CDC42SE2: variants seen among roughly 807,000 people sequenced by gnomAD.
The protein encoded by CDC42SE2 is CDC42 small effector 2.
A neutral mutation model predicts 11.5 loss-of-function variants in CDC42SE2; 3 were observed. The observed-to-expected ratio is 0.26, with a 90% CI of 0.12 to 0.67. The LOEUF is 0.67. Ranked by LOEUF, CDC42SE2 falls within the 30% of genes least tolerant of loss-of-function variation. CDC42SE2 has a pLI of 0.80. For missense variants in CDC42SE2, 82 were observed against 106.8 expected (o/e 0.77, Z 1.02); for synonymous variants, 33 against 34.8 (o/e 0.95, Z 0.18).
chr5:131,305,103 G>A (rs1757754421), intron 1 of CDC42SE2, among the ~76,000 whole-genome samples: 1 of 116,564 alleles, frequency 8.6e-6, no homozygotes, highest in African/African-American at 2.5e-5. Flanking sequence ...CTAGAATTTT[G>A]TATAAATTAT....
chr5:131,244,267 T>C (rs2149681402), upstream of CDC42SE2, among the ~76,000 whole-genome samples: 1 of 152,214 alleles, frequency 6.6e-6, no homozygotes, highest in East Asian at 1.9e-4. Context: ...ATGAATCTAC[T>C]TTTTTCAATA....
At chr5:131,281,886 T>G (rs1302554631) in intron 1 of CDC42SE2, among the ~76,000 whole-genome samples, 1 of 152,198 alleles carries the variant, frequency 6.6e-6, no homozygotes, top group Non-Finnish European at 1.5e-5. Flanking sequence ...TTTGTTAGGA[T>G]TAAATGAAGT....
intron 1 of CDC42SE2, among the ~76,000 whole-genome samples, chr5:131,304,709 A>G (rs568716890): frequency 3.9e-5 from 6 of 152,168 alleles, no homozygotes; most frequent in Non-Finnish European, 8.8e-5. Flanking sequence ...TTTTTGGCAT[A>G]TGCTTTCTTT....
In CDC42SE2 at chr5:131,343,227, G is replaced by A. The variant is rs528690914; in HGVS notation, c.-285-15982G>A. Among the ~76,000 whole-genome samples, 6 of 152,004 alleles carry A rather than the reference G, an allele frequency of 3.9e-5. No individual in the cohort carries two copies. In the South Asian group the frequency reaches 1.2e-3, roughly 32 times the overall value. On this transcript the variant is annotated intron_variant, in intron 2 of 4. Coordinates refer to ENST00000505065, the MANE Select transcript of CDC42SE2 (RefSeq NM_001375635.1). Reference sequence around the variant, plus strand: ...AAGTTTGCCTATATTGGTTTGAGGTGCCAGGAGACTGCAAGAGATGCTTAT... The same window carrying A: ...AAGTTTGCCTATATTGGTTTGAGGTACCAGGAGACTGCAAGAGATGCTTAT...
intron 2 of CDC42SE2, among the ~76,000 whole-genome samples, chr5:131,347,326 C>G (rs149360524): frequency 0.039 from 5,960 of 152,142 alleles, 369 homozygotes; most frequent in African/African-American, 0.13. Flanking sequence ...TCTCACCACC[C>G]ATCCCACAGA....
chr5:131,346,455 G>C (rs916796254), intron 2 of CDC42SE2, among the ~76,000 whole-genome samples: 1 of 152,140 alleles, frequency 6.6e-6, no homozygotes, highest in East Asian at 1.9e-4. Flanking sequence ...AGAGCTAACT[G>C]TCCTAAATAT....
intron 3 of CDC42SE2, 87 bp downstream of exon 3, chr5:131,359,634 T>A: frequency 1.1e-6 from 1 of 937,756 alleles, no homozygotes; most frequent in Non-Finnish European, 1.8e-6. Flanking sequence ...ATCCTAGCAG[T>A]AATTGCAAAG....
At chr5:131,281,939 A>C (rs1169514343) in intron 1 of CDC42SE2, among the ~76,000 whole-genome samples, 2 of 152,184 alleles carry the variant, frequency 1.3e-5, no homozygotes, top group Non-Finnish European at 2.9e-5. Context: ...GATGTTAATA[A>C]ATGTTTAATT....
At chr5:131,297,873 A>G (rs1012107755) in intron 1 of CDC42SE2, among the ~76,000 whole-genome samples, 3 of 152,032 alleles carry the variant, frequency 2.0e-5, no homozygotes, top group Admixed American at 6.5e-5. Context: ...CTTTTCACAC[A>G]GGGTCAAATA....
chr5:131,375,583 A>G (rs1750128885), intron 3 of CDC42SE2, among the ~76,000 whole-genome samples: 1 of 152,214 alleles, frequency 6.6e-6, no homozygotes, highest in Admixed American at 6.5e-5. Flanking sequence ...CACTGCTGGC[A>G]TTCCAGTGAG....
the CDC42SE2 span, among the ~76,000 whole-genome samples, chr5:131,219,643 T>A: frequency 1.2e-4 from 19 of 152,274 alleles, no homozygotes; most frequent in East Asian, 9.6e-4. Context: ...TGATACACAA[T>A]GCAGAAAAAG....
chr5:131,390,775 G>C (rs1314806879), intron 4 of CDC42SE2, among the ~76,000 whole-genome samples: 2 of 152,176 alleles, frequency 1.3e-5, no homozygotes. Flanking sequence ...TTTGGAAATA[G>C]AGAAAATAGG....
At chr5:131,216,453 G>T in the CDC42SE2 span, among the ~76,000 whole-genome samples, 1 of 145,978 alleles carries the variant, frequency 6.9e-6, no homozygotes, top group Non-Finnish European at 1.5e-5. Flanking sequence ...AATGAGCTGT[G>T]GTCACACCAC....
At chr5:131,388,413 T>C (rs1198347702) in intron 4 of CDC42SE2, among the ~76,000 whole-genome samples, 1 of 152,198 alleles carries the variant, frequency 6.6e-6, no homozygotes, top group Non-Finnish European at 1.5e-5. Flanking sequence ...TAAATAGACA[T>C]GCTGTTTATT....
At chr5:131,319,163 C>T (rs1013345146) in intron 2 of CDC42SE2, among the ~76,000 whole-genome samples, 1 of 152,120 alleles carries the variant, frequency 6.6e-6, no homozygotes, top group African/African-American at 2.4e-5. Flanking sequence ...CTTTAGCCTC[C>T]CAAAGTGCTG....
At chr5:131,290,210 G>A (rs543617336) in intron 1 of CDC42SE2, among the ~76,000 whole-genome samples, 2 of 152,078 alleles carry the variant, frequency 1.3e-5, no homozygotes, top group African/African-American at 2.4e-5. Context: ...ACAAGGAATC[G>A]TGCTTGGATA....
At chr5:131,313,964 A>G (rs749098231) in intron 1 of CDC42SE2, among the ~76,000 whole-genome samples, 1 of 152,118 alleles carries the variant, frequency 6.6e-6, no homozygotes, top group Non-Finnish European at 1.5e-5. Context: ...AGTAGCTGGG[A>G]TTACAGGTGT....
intron 2 of CDC42SE2, among the ~76,000 whole-genome samples, chr5:131,337,182 T>C (rs1238833732): frequency 1.3e-5 from 2 of 152,358 alleles, no homozygotes; most frequent in East Asian, 1.9e-4. Context: ...GTTTTCCTTC[T>C]AACAGTCAGG....
At chr5:131,373,174 A>G (rs886554167) in intron 3 of CDC42SE2, among the ~76,000 whole-genome samples, 1 of 152,192 alleles carries the variant, frequency 6.6e-6, no homozygotes, top group African/African-American at 2.4e-5. Context: ...GTTTATATGT[A>G]TATTTTCTTC....
Sources: gnomAD v4.1 joint callset for allele counts (sites outside exome capture counted in the v4.1 genomes callset) on GRCh38, gnomAD v4.1.1 for gene constraint, MANE v1.5 for transcripts, NCBI Gene and HGNC (gene_info 2026-07-23, HGNC 2026-07-21) for gene names.